Variants in INTS15 observed in about 807,000 individuals in gnomAD.
INTS15 encodes integrator complex subunit 15, also known as uncharacterized protein C7orf26.
At chr7:6,594,447 G>A in the INTS15 span, 18 of 1,613,980 alleles carry the variant, frequency 1.1e-5, no homozygotes, top group Middle Eastern at 4.9e-4. Context: ...GACGCCCGTG[G>A]TTTACTGTGT....
the INTS15 span, chr7:6,590,028 C>T: frequency 4.8e-6 from 1 of 206,276 alleles, no homozygotes; most frequent in East Asian, 1.2e-4. Flanking sequence ...GGCATTCGGC[C>T]GCTGTTCGGC....
chr7:6,601,004 G>A, the INTS15 span, among the ~76,000 whole-genome samples: 23 of 152,142 alleles, frequency 1.5e-4, no homozygotes, highest in Admixed American at 1.4e-3. Flanking sequence ...TTCTCACTCT[G>A]TTGCCCAAGC....
At chr7:6,599,698 A>G in the INTS15 span, 1 of 849,178 alleles carries the variant, frequency 1.2e-6, no homozygotes, top group Non-Finnish European at 1.9e-6. Flanking sequence ...AAAATAGCTA[A>G]GCCAGGAGGC....
At chr7:6,595,990 G>C in the INTS15 span, among the ~76,000 whole-genome samples, 3 of 151,716 alleles carry the variant, frequency 2.0e-5, no homozygotes, top group Non-Finnish European at 2.9e-5. Flanking sequence ...AACAGCATCT[G>C]TCATTTTTAT....
At chr7:6,608,082 C>A in the INTS15 span, 1 of 1,538,080 alleles carries the variant, frequency 6.5e-7, no homozygotes, top group Non-Finnish European at 8.8e-7. Flanking sequence ...GCCCACCCCG[C>A]CGCCCACCCC....
the INTS15 span, among the ~76,000 whole-genome samples, chr7:6,601,636 A>G: frequency 6.8e-6 from 1 of 147,080 alleles, no homozygotes; most frequent in African/African-American, 2.5e-5. Flanking sequence ...AGACAAGGAG[A>G]ACTCAGATTC....
the INTS15 span, chr7:6,602,152 C>T: frequency 6.2e-7 from 1 of 1,611,440 alleles, no homozygotes; most frequent in East Asian, 2.2e-5. Context: ...TAAGTATCCT[C>T]AGGACTCCTA....
At chr7:6,601,303 A>AT in the INTS15 span, among the ~76,000 whole-genome samples, 41 of 143,648 alleles carry the variant, frequency 2.9e-4, no homozygotes, top group South Asian at 8.9e-4. Context: ...TTATTCATTT[A>AT]TTTTTTTTTT....
the INTS15 span, among the ~76,000 whole-genome samples, chr7:6,598,146 C>T: frequency 6.6e-6 from 1 of 152,010 alleles, no homozygotes; most frequent in Admixed American, 6.6e-5. Flanking sequence ...CTGGTGTTGC[C>T]CAAACAGAAA....
chr7:6,607,137 C>A, the INTS15 span, among the ~76,000 whole-genome samples: 1 of 151,970 alleles, frequency 6.6e-6, no homozygotes, highest in Non-Finnish European at 1.5e-5. This position sits in a 1 kb window ranked among gnomAD's most constrained non-coding sequence, Gnocchi z 6.0. Flanking sequence ...GGGGGATCAT[C>A]CTGGGGAGGG....
chr7:6,603,890 T>G, the INTS15 span, among the ~76,000 whole-genome samples: 1 of 151,998 alleles, frequency 6.6e-6, no homozygotes, highest in Non-Finnish European at 1.5e-5. Context: ...ATCCCAGCTA[T>G]TCATTCGGGC....
At chr7:6,591,347 A>C in the INTS15 span, among the ~76,000 whole-genome samples, 7 of 150,116 alleles carry the variant, frequency 4.7e-5, no homozygotes, top group Non-Finnish European at 8.9e-5. Context: ...GCTCACTGCA[A>C]CCTCCGCCTC....
At chr7:6,593,317 G>C in the INTS15 span, among the ~76,000 whole-genome samples, 1 of 150,566 alleles carries the variant, frequency 6.6e-6, no homozygotes. Flanking sequence ...GACAAATTTG[G>C]TCTGTGCGGT....
At chr7:6,605,111 A>G in the INTS15 span, among the ~76,000 whole-genome samples, 1 of 151,186 alleles carries the variant, frequency 6.6e-6, no homozygotes, top group Admixed American at 6.6e-5. Context: ...TCCTGCCTCA[A>G]CCTCCTGAGT....
the INTS15 span, chr7:6,591,931 G>C: frequency 6.7e-7 from 1 of 1,490,654 alleles, no homozygotes; most frequent in Non-Finnish European, 9.3e-7. Context: ...CAGCACTTTG[G>C]GAAGCTGAGG....
the INTS15 span, among the ~76,000 whole-genome samples, chr7:6,606,162 G>A: frequency 1.3e-5 from 2 of 152,170 alleles, no homozygotes; most frequent in East Asian, 1.9e-4. Context: ...CCTTGGGTTC[G>A]TTAATCTCTT....
At chr7:6,598,386 T>C in the INTS15 span, among the ~76,000 whole-genome samples, 1 of 149,820 alleles carries the variant, frequency 6.7e-6, no homozygotes, top group Non-Finnish European at 1.5e-5. Flanking sequence ...GGAGAATCGC[T>C]TGAACCCGGG....
chr7:6,590,562 G>A, the INTS15 span: 33 of 1,404,626 alleles, frequency 2.3e-5, no homozygotes, highest in Non-Finnish European at 2.1e-5. Flanking sequence ...GTCAAGCCGC[G>A]GGCGCCCCAT....
At chr7:6,604,847 C>G in the INTS15 span, among the ~76,000 whole-genome samples, 3 of 152,294 alleles carry the variant, frequency 2.0e-5, no homozygotes, top group South Asian at 6.2e-4. Flanking sequence ...TGGATGGGTA[C>G]AAAGCCTGAG....
Sources: gnomAD v4.1 joint callset for allele counts (sites outside exome capture counted in the v4.1 genomes callset) on GRCh38, gnomAD v4.1.1 for gene constraint, Gnocchi (gnomAD v3.1) non-coding constraint, MANE v1.5 for transcripts, NCBI Gene and HGNC (gene_info 2026-07-23, HGNC 2026-07-21) for gene names.